TAB2: variants seen among roughly 807,000 people sequenced by gnomAD.
TAB2 encodes the protein TGF-beta activated kinase 1 (MAP3K7) binding protein 2.
A neutral mutation model predicts 65.0 loss-of-function variants in TAB2; 3 were observed. That is an observed-to-expected ratio of 0.05 (90% CI 0.02 to 0.12). The LOEUF (loss-of-function observed/expected upper bound fraction) is 0.12. Ranked by LOEUF, TAB2 falls within the 10% of genes least tolerant of loss-of-function variation. The pLI is 1.00. For synonymous variants in TAB2, 298 were observed against 285.1 expected, an observed-to-expected ratio of 1.05 and a Z score of -0.46; for missense variants, 623 against 840.3, an observed-to-expected ratio of 0.74 and a Z score of 3.20.
intron 1 of TAB2, among the ~76,000 whole-genome samples, chr6:149,279,061 T>C (rs1778526551): frequency 6.6e-6 from 1 of 152,230 alleles, no homozygotes; most frequent in Admixed American, 6.5e-5. Flanking sequence ...CATTCCTTGA[T>C]TCCAGTTTCT....
chr6:149,230,238 T>C (rs1037858952), intron 1 of TAB2: 3 of 152,246 alleles, frequency 2.0e-5, no homozygotes, highest in East Asian at 1.9e-4. Context: ...CAATCATTTA[T>C]CAATTCATCT....
chr6:149,228,012 G>A (rs1427394725), intron 1 of TAB2, among the ~76,000 whole-genome samples: 2 of 151,944 alleles, frequency 1.3e-5, no homozygotes, highest in East Asian at 1.9e-4. Flanking sequence ...GATGAAAAAA[G>A]CAAATCAGTA....
At chr6:149,379,901 G>A in intron 3 of TAB2, 2 of 455,582 alleles carry the variant, frequency 4.4e-6, no homozygotes, top group Non-Finnish European at 4.4e-6. Context: ...TGACTCTCTT[G>A]ACTAATATGG....
At chr6:149,244,973 C>T (rs914306232) in intron 1 of TAB2, 4 of 152,018 alleles carry the variant, frequency 2.6e-5, no homozygotes, top group Admixed American at 6.6e-5. Flanking sequence ...CTCAAGACCT[C>T]AAGTTTAGAT....
intron 1 of TAB2, among the ~76,000 whole-genome samples, chr6:149,273,155 A>T (rs888908682): frequency 3.9e-5 from 6 of 152,286 alleles, no homozygotes; most frequent in Admixed American, 1.3e-4. Context: ...ATCCTACAAG[A>T]TACTGGACAG....
Position 149,379,380 on chromosome 6 carries a change from A to G in TAB2, c.1465A>G (p.Asn489Asp), listed in dbSNP as rs538132591. Residue 489 changes from asparagine (N) to aspartate (D), a missense_variant, in exon 3 of 7, where the codon AAT becomes GAT. This residue lies in a region of TAB2 where 550 missense variants were observed against 665.7 expected (regional missense o/e 0.83). Coordinates refer to ENST00000637181, the MANE Select transcript of TAB2 (RefSeq NM_001292034.3). ...GGTGTCCCCTACCTTTGAACTTACA[A>G]ATCTTCTTAATCATCCTGATCATTA... The part of the protein sequence containing the change: ...GVVSPTFELT[N>D]LLNHPDHYVE... 1.2e-6 allele frequency: 2 copies of G among 1,614,124 alleles called. No individual in the cohort carries two copies. The highest frequency in any genetic ancestry group is 2.2e-5 in the South Asian group (2 of 91,084).
At chr6:149,408,174 AT>A (rs1782730253) in intron 6 of TAB2, among the ~76,000 whole-genome samples, 2 of 152,250 alleles carry the variant, frequency 1.3e-5, no homozygotes, top group African/African-American at 4.8e-5. Flanking sequence ...TTTAAACTGT[AT>A]TTCTTTTCAG....
chr6:149,374,294 A>T (rs923906923), intron 2 of TAB2, among the ~76,000 whole-genome samples: 2 of 152,164 alleles, frequency 1.3e-5, no homozygotes, highest in East Asian at 3.8e-4. Flanking sequence ...ATCATGGCTT[A>T]CTGCAGCCTC....
At chr6:149,304,130 A>G (rs1439431099) in intron 1 of TAB2, 1 of 152,260 alleles carries the variant, frequency 6.6e-6, no homozygotes, top group Non-Finnish European at 1.5e-5. Flanking sequence ...ATATCTGAGC[A>G]CAGGTAATAT....
rs185629228 is a variant in TAB2, at chr6:149,269,853, A to C, written c.-121+51077A>C. ...TTTATCCATTGCCCAACTGAGTGAC[A>C]TTTGGTTGTTTCCAGTTTTTGGTGA... On this transcript the variant is annotated intron_variant, in intron 1 of 1. Coordinates refer to the TAB2 transcript ENST00000606202. Among the ~76,000 whole-genome samples the C allele has an allele frequency of 2.2e-3, 334 of 152,322 alleles. 2 individuals carry two copies. The highest frequency in any genetic ancestry group is 6.8e-3 in the Middle Eastern group (2 of 294).
chr6:149,311,969 C>T (rs1779173350), intron 1 of TAB2, among the ~76,000 whole-genome samples: 1 of 152,144 alleles, frequency 6.6e-6, no homozygotes, highest in Non-Finnish European at 1.5e-5. Context: ...ATTATGCTGA[C>T]CAATACCATT....
Position 149,378,048 on chromosome 6 carries a change from G to A in TAB2, c.133G>A (p.Val45Ile), listed in dbSNP as rs756880559. The change falls in exon 3 of 7, where the codon GTT (valine) becomes ATT (isoleucine). Residue 45 changes from valine to isoleucine, a missense_variant. Physicochemically the swap from Val to Ile is conservative, Grantham distance 29 (BLOSUM62 3). Around this residue, in one of 3 missense-constraint regions of TAB2, gnomAD observed 550 missense variants for 665.7 expected, o/e 0.83. Coordinates refer to ENST00000637181, the MANE Select transcript of TAB2 (RefSeq NM_001292034.3). ...TAATAACCTGGATGCCTGCTGTGCT[G>A]TTCTCTCTCAGGAGAGTACAAGATA... Reference protein sequence around the residue: ...NNNNLDACCAVLSQESTRYLY... With the variant: ...NNNNLDACCAILSQESTRYLY... 2.5e-6 allele frequency: 4 copies of A among 1,614,044 alleles called. No individual in the cohort carries two copies. In the South Asian group the frequency reaches 4.4e-5, roughly 18 times the overall value.
chr6:149,390,162 G>C (rs1435483576), intron 3 of TAB2, among the ~76,000 whole-genome samples: 1 of 152,134 alleles, frequency 6.6e-6, no homozygotes, highest in African/African-American at 2.4e-5. Context: ...TGTGATTCCT[G>C]TTGTCAACAA....
At chr6:149,248,344 A>C (rs1049753906) in intron 1 of TAB2, among the ~76,000 whole-genome samples, 2 of 151,994 alleles carry the variant, frequency 1.3e-5, no homozygotes, top group Non-Finnish European at 2.9e-5. Context: ...GTGAGCTGAG[A>C]TTGTGCCACT....
intron 1 of TAB2, among the ~76,000 whole-genome samples, chr6:149,349,438 GGTA>G (rs1205946856): frequency 1.4e-5 from 2 of 141,558 alleles, no homozygotes; most frequent in East Asian, 4.0e-4. Flanking sequence ...AAAAAAAAAA[GGTA>G]GTCAAGAAAG....
intron 6 of TAB2, chr6:149,400,446 A>C (rs1782340322): frequency 6.2e-7 from 1 of 1,614,114 alleles, no homozygotes; most frequent in South Asian, 1.1e-5. Context: ...CAATCATATT[A>C]ATTTGAAGGT....
In TAB2 at chr6:149,377,990, CATCA is replaced by C. The variant is rs759531579; in HGVS notation, c.103-21_103-18del. 1.2e-5 allele frequency: 19 copies of C among 1,569,254 alleles called. 1 individual carries two copies. Among genetic ancestry groups the C allele is most frequent in the South Asian group, 7.8e-5 (7 of 89,958 alleles). On this transcript the variant is annotated intron_variant, in intron 2 of 6. Coordinates refer to ENST00000637181, the MANE Select transcript of TAB2 (RefSeq NM_001292034.3). Reference sequence around the variant, plus strand: ...ATAAGCATTCGCTTCTGATTGTTAACATCAATCAATTTATTTTGTTTTCATAGAA... The same window carrying C: ...ATAAGCATTCGCTTCTGATTGTTAACATCAATTTATTTTGTTTTCATAGAA...
intron 1 of TAB2, among the ~76,000 whole-genome samples, chr6:149,273,478 A>G (rs1356082729): frequency 6.6e-6 from 1 of 152,172 alleles, no homozygotes; most frequent in Non-Finnish European, 1.5e-5. Context: ...CCACCAAGTG[A>G]GTGAACTCTG....
At chr6:149,391,877 C>T (rs1336140453) in intron 3 of TAB2, among the ~76,000 whole-genome samples, 1 of 151,936 alleles carries the variant, frequency 6.6e-6, no homozygotes, top group African/African-American at 2.4e-5. Context: ...TAGGAGATTT[C>T]CTTAAATTTT....
Sources: allele counts gnomAD v4.1 joint callset (sites outside exome capture counted in the v4.1 genomes callset), GRCh38; gene constraint gnomAD v4.1.1; regional missense constraint gnomAD v4.1.1; transcripts MANE v1.5; gene names NCBI Gene and HGNC (gene_info 2026-07-23, HGNC 2026-07-21).